The following ARHGAP6 variants were observed in gnomAD, a reference collection of about 807,000 sequenced individuals.
ARHGAP6 encodes the protein rho GTPase-activating protein 6.
Under a neutral mutation model 55.7 loss-of-function variants are expected in ARHGAP6, and 16 were observed. The ratio of observed to expected loss-of-function variants is 0.29; its 90% CI spans 0.19 to 0.44. The LOEUF is 0.44. Ranked by LOEUF, ARHGAP6 falls within the 20% of genes least tolerant of loss-of-function variation. The pLI is 1.00. For missense variants in ARHGAP6, 698 were observed against 808.9 expected, an observed-to-expected ratio of 0.86 and a Z score of 1.66; for synonymous variants, 382 against 360.9, an observed-to-expected ratio of 1.06 and a Z score of -0.66.
chrX:11,183,623 C>T (rs1181338549), intron 5 of ARHGAP6, among the ~76,000 whole-genome samples: 3 of 111,728 alleles, frequency 2.7e-5, no homozygotes, highest in African/African-American at 9.8e-5. Flanking sequence ...ATCTGTGTTT[C>T]CTCCCTCTGT....
chrX:11,314,552 C>T (rs1209414388), intron 1 of ARHGAP6, among the ~76,000 whole-genome samples: 1 of 112,353 alleles, frequency 8.9e-6, no homozygotes, highest in Non-Finnish European at 1.9e-5. Flanking sequence ...TAATGTCCCA[C>T]AAAAAGGGAA....
intron 1 of ARHGAP6, among the ~76,000 whole-genome samples, chrX:11,310,326 G>C (rs1461906636): frequency 9.1e-6 from 1 of 110,222 alleles, no homozygotes; most frequent in Non-Finnish European, 1.9e-5. Flanking sequence ...CAACTTTTAG[G>C]TATATACCCA....
chrX:11,463,899 G>T (rs1187879836), intron 1 of ARHGAP6, among the ~76,000 whole-genome samples: 1 of 112,317 alleles, frequency 8.9e-6, no homozygotes, highest in Non-Finnish European at 1.9e-5. Flanking sequence ...GGCTGCCAAA[G>T]CAACAGCCAT....
intron 1 of ARHGAP6, among the ~76,000 whole-genome samples, chrX:11,656,261 C>A (rs997133661): frequency 8.9e-6 from 1 of 112,396 alleles, no homozygotes; most frequent in Non-Finnish European, 1.9e-5. Flanking sequence ...CTTAAATACA[C>A]GCCATTCCTT....
intron 1 of ARHGAP6, among the ~76,000 whole-genome samples, chrX:11,573,097 A>G (rs1031737671): frequency 1.8e-5 from 2 of 111,483 alleles, no homozygotes; most frequent in African/African-American, 6.5e-5. Context: ...CCTTTGTCAG[A>G]TGAGTAGGTT....
intron 1 of ARHGAP6, among the ~76,000 whole-genome samples, chrX:11,297,143 G>A (rs1454098781): frequency 8.9e-6 from 1 of 112,084 alleles, no homozygotes; most frequent in Admixed American, 9.4e-5. Context: ...TTCTAACCCA[G>A]CTAGTAAAAT....
intron 2 of ARHGAP6, among the ~76,000 whole-genome samples, chrX:11,199,729 G>A (rs1228485216): frequency 2.7e-5 from 3 of 112,102 alleles, no homozygotes; most frequent in African/African-American, 9.7e-5. Flanking sequence ...GAGAATGCTG[G>A]CCTATTAAAA....
At chrX:11,549,232 G>C (rs1039795241) in intron 1 of ARHGAP6, among the ~76,000 whole-genome samples, 3 of 111,707 alleles carry the variant, frequency 2.7e-5, no homozygotes, top group African/African-American at 9.8e-5. Context: ...CATAAAAATT[G>C]TATGGCTAAG....
chrX:11,291,514 C>A (rs1311028697), intron 1 of ARHGAP6, among the ~76,000 whole-genome samples: 1 of 110,927 alleles, frequency 9.0e-6, no homozygotes, highest in Non-Finnish European at 1.9e-5. Flanking sequence ...GTAGAGATTA[C>A]CCACAACTTT....
At chrX:11,571,254 G>A (rs1415703115) in intron 1 of ARHGAP6, among the ~76,000 whole-genome samples, 1 of 111,691 alleles carries the variant, frequency 9.0e-6, no homozygotes, top group Non-Finnish European at 1.9e-5. Flanking sequence ...TGGGGTTAAT[G>A]TCCACCACTG....
rs149941236 is a variant in ARHGAP6 at position 11,607,398 on chromosome X, G to A, written c.588+56843C>T. 6.0e-3 allele frequency among the ~76,000 whole-genome samples: 673 copies of A among 111,886 alleles called. 3 individuals are homozygous for A. Among genetic ancestry groups the A allele is most frequent in the African/African-American group, 0.021 (648 of 30,824 alleles). ...AAGTACCCCGAAAAGGCCAGATCCA[G>A]AAATGAATGGATATAAAAGGACAGA... is the stretch of plus-strand genomic sequence containing the variant. On this transcript the variant is annotated intron_variant, in intron 1 of 12. Transcript: ENST00000337414.
intron 1 of ARHGAP6, among the ~76,000 whole-genome samples, chrX:11,542,000 T>A (rs2051162535): frequency 1.8e-5 from 2 of 112,092 alleles, no homozygotes; most frequent in South Asian, 3.7e-4. Context: ...AAGGTTGTGT[T>A]TGTGTTTTTC....
At chrX:11,202,717 A>G (rs1479366241) in intron 2 of ARHGAP6, among the ~76,000 whole-genome samples, 1 of 99,130 alleles carries the variant, frequency 1.0e-5, no homozygotes, top group African/African-American at 3.7e-5. Flanking sequence ...CTGAGGCAGG[A>G]GAATCACAGG....
Position 11,570,655 on chromosome X carries a change from A to G in ARHGAP6, c.588+93586T>C, listed in dbSNP as rs777480176. 7.9e-4 allele frequency among the ~76,000 whole-genome samples: 88 copies of G among 111,515 alleles called. 1 individual carries two copies. The highest frequency in any genetic ancestry group is 2.7e-3 in the African/African-American group (82 of 30,739). On this transcript the variant is annotated intron_variant, in intron 1 of 12. Coordinates refer to ENST00000337414, the MANE Select transcript of ARHGAP6 (RefSeq NM_013427.3). ...GTGGTGGCTCTTAGACTTGATCCAG[A>G]TCTGTTTACATAGCCCACAATCATA...
At chrX:11,437,777 G>A (rs1051850715) in intron 1 of ARHGAP6, among the ~76,000 whole-genome samples, 1 of 112,341 alleles carries the variant, frequency 8.9e-6, no homozygotes, top group African/African-American at 3.2e-5. Flanking sequence ...CCTGCTCTTT[G>A]TGAATATAGG....
chrX:11,362,869 T>C (rs1207059245), intron 1 of ARHGAP6, among the ~76,000 whole-genome samples: 1 of 111,132 alleles, frequency 9.0e-6, no homozygotes, highest in Non-Finnish European at 1.9e-5. Context: ...TGTTTATCGG[T>C]CACATAGATA....
At chrX:11,160,213 G>A (rs2147292238) in intron 9 of ARHGAP6, among the ~76,000 whole-genome samples, 1 of 109,251 alleles carries the variant, frequency 9.2e-6, no homozygotes, top group African/African-American at 3.3e-5. Context: ...ACTTTGGGAG[G>A]CCGAGGTGGG....
intron 1 of ARHGAP6, among the ~76,000 whole-genome samples, chrX:11,459,654 TA>T (rs2050225063): frequency 8.9e-6 from 1 of 112,100 alleles, no homozygotes; most frequent in African/African-American, 3.2e-5. Context: ...TATTGCTCAA[TA>T]AAATGAACTT....
intron 1 of ARHGAP6, among the ~76,000 whole-genome samples, chrX:11,580,450 C>T (rs1018171143): frequency 4.5e-5 from 5 of 111,655 alleles, no homozygotes; most frequent in Admixed American, 1.9e-4. Flanking sequence ...TGCCTCCCAA[C>T]GAAGCATGAC....
Sources: allele counts gnomAD v4.1 joint callset (sites outside exome capture counted in the v4.1 genomes callset), GRCh38; gene constraint gnomAD v4.1.1; transcripts MANE v1.5; gene names NCBI Gene and HGNC (gene_info 2026-07-23, HGNC 2026-07-21).